Variants in RBM17 observed in about 807,000 individuals in gnomAD.
RBM17 encodes the protein splicing factor 45.
A neutral mutation model predicts 53.2 loss-of-function variants in RBM17; 7 were observed. The ratio of observed to expected loss-of-function variants is 0.13; its 90% CI spans 0.07 to 0.25. The LOEUF (loss-of-function observed/expected upper bound fraction) is 0.25. Ranked by LOEUF, RBM17 falls within the 10% of genes least tolerant of loss-of-function variation. RBM17 has a pLI of 1.00. For missense variants in RBM17, 257 were observed against 496.7 expected, an observed-to-expected ratio of 0.52 and a Z score of 4.59; for synonymous variants, 167 against 178.1, an observed-to-expected ratio of 0.94 and a Z score of 0.50.
Position 6,110,073 on chromosome 10 carries a change from A to C in RBM17, c.650A>C (p.Gln217Pro). ...AAIPPPVYEEQDRPRSPTGPS... is the reference protein window; with the variant it reads ...AAIPPPVYEEPDRPRSPTGPS... ...ATTCCTCCCCCAGTGTACGAGGAAC[A>C]AGACAGACCGAGATCTCCAACCGGA... The change falls in exon 7 of 12, where the codon CAA becomes CCA. Residue 217 changes from glutamine to proline, a missense_variant. Physicochemically the swap from Gln to Pro is moderately conservative, Grantham distance 76 (BLOSUM62 -1). Transcript: ENST00000379888. 6.2e-7 allele frequency: 1 copy of C among 1,612,446 alleles called. No individual in the cohort carries two copies. The highest frequency in any genetic ancestry group is 8.5e-7 in the Non-Finnish European group (1 of 1,179,066).
intron 1 of RBM17, among the ~76,000 whole-genome samples, chr10:6,093,255 C>G (rs1395568440): frequency 6.6e-6 from 1 of 152,152 alleles, no homozygotes; most frequent in South Asian, 2.1e-4. Context: ...GCTCTATCAT[C>G]CAGGCTGGAG....
intron 3 of RBM17, among the ~76,000 whole-genome samples, chr10:6,102,431 C>T (rs1310438597): frequency 1.3e-5 from 2 of 152,072 alleles, no homozygotes; most frequent in African/African-American, 2.4e-5. Flanking sequence ...CTGAGGGGAG[C>T]GGGTGCTGTT....
chr10:6,093,471 G>T (rs2132937493), intron 1 of RBM17, among the ~76,000 whole-genome samples: 1 of 152,166 alleles, frequency 6.6e-6, no homozygotes, highest in East Asian at 1.9e-4. Flanking sequence ...CGCCCGCCTC[G>T]GTCTCCCAAA....
At chr10:6,098,566 T>G (rs1294916318) in intron 2 of RBM17, among the ~76,000 whole-genome samples, 1 of 40,088 alleles carries the variant, frequency 2.5e-5, no homozygotes, top group Non-Finnish European at 5.8e-5. Flanking sequence ...GTTTTTTGTT[T>G]TTTTTTTTTT....
intron 10 of RBM17, chr10:6,114,477 A>G (rs1009605044): frequency 1.4e-5 from 4 of 291,720 alleles, no homozygotes. Context: ...TGCCTCTCAC[A>G]TGCACTGCAC....
Position 6,110,100 on chromosome 10 carries a change from C to T in RBM17, c.677C>T (p.Pro226Leu). 1.2e-6 allele frequency: 2 copies of T among 1,609,878 alleles called. No individual in the cohort carries two copies. Among genetic ancestry groups the T allele is most frequent in the Non-Finnish European group, 1.7e-6 (2 of 1,178,126 alleles). Residue 226 changes from proline (P) to leucine (L), a missense_variant, in exon 7 of 12, where the codon CCT becomes CTT. By Grantham distance (98) the Pro-to-Leu change is moderately conservative. Transcript: ENST00000379888. ...GACAGACCGAGATCTCCAACCGGAC[C>T]TAGCAACTCCTTCCTCGCTAACATG... ...EQDRPRSPTG[P>L]SNSFLANMGG...
At position 6,101,135 on chromosome 10, in the gene RBM17, G is replaced by A. The variant is rs564337994; in HGVS notation, c.124-136G>A. 13 of 482,570 alleles carry A rather than the reference G, an allele frequency of 2.7e-5. No individual in the cohort carries two copies. The South Asian group carries it at 4.6e-4, about 17-fold the overall frequency. 29.9% of individuals were successfully genotyped at this position (482,570 alleles called of 1,614,324 possible). A position where few individuals can be genotyped will look rare whatever the true frequency, so the allele number is the denominator to read the frequency against. ...ATATGATTATAGTAATAAATTAAAA[G>A]GCTGTTGTTTTGAGATTATGGTTTT... On this transcript the variant is annotated intron_variant, in intron 2 of 11. Transcript: ENST00000379888.
At chr10:6,109,908 A>G in intron 6 of RBM17, 78 bp from the exon 7 acceptor site, 1 of 1,210,596 alleles carries the variant, frequency 8.3e-7, no homozygotes, top group Non-Finnish European at 1.1e-6. Context: ...TTTGTTCAAG[A>G]TAAATAATTG....
At chr10:6,110,167 G>A in intron 7 of RBM17, 40 bp downstream of exon 7, 2 of 1,557,982 alleles carry the variant, frequency 1.3e-6, no homozygotes, top group Non-Finnish European at 1.7e-6. Context: ...TTGAGAGACA[G>A]TGTGAAGCGT....
At chr10:6,097,923 A>G (rs1194754721) in intron 2 of RBM17, among the ~76,000 whole-genome samples, 2 of 152,222 alleles carry the variant, frequency 1.3e-5, no homozygotes, top group Non-Finnish European at 2.9e-5. Context: ...GCTCCACAGA[A>G]TACCTAAGCT....
intron 7 of RBM17, among the ~76,000 whole-genome samples, chr10:6,110,740 T>C (rs1200589083): frequency 2.0e-5 from 3 of 152,182 alleles, no homozygotes; most frequent in African/African-American, 7.2e-5. Context: ...CATGAAGGCT[T>C]TGTTCTGTGC....
In RBM17 at chr10:6,112,697, A is replaced by G; in HGVS notation, c.856+336A>G. The G allele has an allele frequency of 2.7e-6, 1 of 373,382 alleles. No individual in the cohort carries two copies. The highest frequency in any genetic ancestry group is 3.8e-5 in the Admixed American group (1 of 26,422). 23.1% of individuals were successfully genotyped at this position (373,382 alleles called of 1,614,324 possible). On this transcript the variant is annotated intron_variant, in intron 8 of 11. Coordinates refer to ENST00000379888, the MANE Select transcript of RBM17 (RefSeq NM_032905.5). This position sits in a 1 kb window ranked among gnomAD's most constrained non-coding sequence, Gnocchi z 4.4. Reference sequence around the variant, plus strand: ...TCTTGGTTATGTGTTTAGAGCATGAAGGACAGAGCCATATAGTGTGGCAGT... The same window carrying G: ...TCTTGGTTATGTGTTTAGAGCATGAGGGACAGAGCCATATAGTGTGGCAGT...
At chr10:6,093,604 C>G (rs1265542975) in intron 1 of RBM17, among the ~76,000 whole-genome samples, 1 of 152,172 alleles carries the variant, frequency 6.6e-6, no homozygotes, top group African/African-American at 2.4e-5. Flanking sequence ...GAATCTTTCC[C>G]CTCGAAGTTT....
intron 5 of RBM17, 29 bp from the exon 6 acceptor site, chr10:6,108,657 C>CT: frequency 6.2e-7 from 1 of 1,600,972 alleles, no homozygotes; most frequent in African/African-American, 1.3e-5. Context: ...CGGAAACCTC[C>CT]TTTAATGCTT....
intron 1 of RBM17, among the ~76,000 whole-genome samples, chr10:6,092,395 C>T (rs1840500117): frequency 6.6e-6 from 1 of 152,002 alleles, no homozygotes; most frequent in Admixed American, 6.6e-5. Context: ...ATATTAAATG[C>T]TTAATATAGC....
intron 1 of RBM17, among the ~76,000 whole-genome samples, chr10:6,091,054 T>C (rs1039115200): frequency 6.8e-6 from 1 of 147,936 alleles, no homozygotes; most frequent in Non-Finnish European, 1.5e-5. Context: ...TATATATATT[T>C]ATATACATAT....
In RBM17 at chr10:6,102,920, C is replaced by G. The variant is rs147139596; in HGVS notation, c.240+1533C>G. ...GCTCAAGCGATCCTTCCACCTCAGT[C>G]TACTGAGTAGTTAGGACCACAGGCA... On this transcript the variant is annotated intron_variant, in intron 3 of 11. Coordinates refer to ENST00000379888, the MANE Select transcript of RBM17 (RefSeq NM_032905.5). Among the ~76,000 whole-genome samples, 677 of 152,298 alleles carry G rather than the reference C, an allele frequency of 4.4e-3. 5 individuals carry two copies. The highest frequency in any genetic ancestry group is 4.5e-3 in the Non-Finnish European group (306 of 68,020).
intron 7 of RBM17, among the ~76,000 whole-genome samples, chr10:6,111,253 C>G (rs537042562): frequency 1.3e-5 from 2 of 152,354 alleles, no homozygotes; most frequent in South Asian, 4.1e-4. Flanking sequence ...CCTCAGAGCG[C>G]AGTGTGAGAG....
rs542073735 is a variant in RBM17 at position 6,107,669 on chromosome 10, A to G, written c.506-1017A>G. ...GCTGATTTTTGCATTTTTAGTAGAG[A>G]TGGGGTTTCACCATGTTGATCAGGC... On this transcript the variant is annotated intron_variant, in intron 5 of 11. Transcript: ENST00000379888. Among the ~76,000 whole-genome samples, 8 of 151,602 alleles carry G rather than the reference A, an allele frequency of 5.3e-5. No homozygotes were observed. In the East Asian group the frequency reaches 1.6e-3, roughly 29 times the overall value.
Sources: gnomAD v4.1 joint callset for allele counts (sites outside exome capture counted in the v4.1 genomes callset) on GRCh38, gnomAD v4.1.1 for gene constraint, Gnocchi (gnomAD v3.1) non-coding constraint, MANE v1.5 for transcripts, NCBI Gene and HGNC (gene_info 2026-07-23, HGNC 2026-07-21) for gene names.